CSMD2: variants seen among roughly 807,000 people sequenced by gnomAD.
CSMD2 encodes CUB and sushi domain-containing protein 2.
A neutral mutation model predicts 398.5 loss-of-function variants in CSMD2; 130 were observed. The ratio of observed to expected loss-of-function variants is 0.33; its 90% CI spans 0.28 to 0.38. CSMD2 has a LOEUF of 0.38. Ranked by LOEUF, CSMD2 falls within the 10% of genes least tolerant of loss-of-function variation. CSMD2 has a pLI of 1.00. For missense variants in CSMD2, 3,829 were observed against 4,764.9 expected, an observed-to-expected ratio of 0.80 and a Z score of 5.78; for synonymous variants, 1,828 against 1,908.5, an observed-to-expected ratio of 0.96 and a Z score of 1.10.
At chr1:33,767,957 A>G (rs560191826) in intron 13 of CSMD2, among the ~76,000 whole-genome samples, 1 of 152,298 alleles carries the variant, frequency 6.6e-6, no homozygotes, top group African/African-American at 2.4e-5. Context: ...CTGCTCTGTT[A>G]ATTAACAGCT....
In CSMD2 at chr1:34,164,904, G is replaced by C; in HGVS notation, c.187+7C>G. 1 of 1,219,530 alleles carries C rather than the reference G, an allele frequency of 8.2e-7. No individual in the cohort carries two copies. The highest frequency in any genetic ancestry group is 1.0e-6 in the Non-Finnish European group (1 of 980,210). The allele number at this position is 1,219,530 out of a possible 1,614,324, so 75.5% of individuals were successfully genotyped here. ...GGCCGCTGGCTCCTCGGCGCGGCTG[G>C]ACTCACCCGCGGCGGCCGAGACGCT... is the stretch of plus-strand genomic sequence containing the variant. On this transcript the variant is annotated splice_region_variant and intron_variant, in intron 1 of 70. Transcript: ENST00000373381. The surrounding 1 kb of genome is among the most constrained non-coding windows in gnomAD (Gnocchi z 6.2).
Position 34,164,199 on chromosome 1 carries a change from G to A in CSMD2, c.187+712C>T, listed in dbSNP as rs1474974649. 6.6e-6 allele frequency among the ~76,000 whole-genome samples: 1 copy of A among 151,976 alleles called. No homozygotes were observed. Among genetic ancestry groups the A allele is most frequent in the African/African-American group, 2.4e-5 (1 of 41,396 alleles). On this transcript the variant is annotated intron_variant, in intron 1 of 70. Transcript: ENST00000373381. This position sits in a 1 kb window ranked among gnomAD's most constrained non-coding sequence, Gnocchi z 6.2. Reference sequence around the variant, plus strand: ...CGGCGGCACTCCCTCCCCCGCCTCGGGCTACAACCCCCACCCCCTCCTTCC... The same window carrying A: ...CGGCGGCACTCCCTCCCCCGCCTCGAGCTACAACCCCCACCCCCTCCTTCC...
At chr1:33,997,216 A>G (rs1169519301) in intron 3 of CSMD2, among the ~76,000 whole-genome samples, 1 of 152,178 alleles carries the variant, frequency 6.6e-6, no homozygotes, top group East Asian at 1.9e-4. Flanking sequence ...CCCAACAGGA[A>G]GGACTTGGAG....
intron 5 of CSMD2, among the ~76,000 whole-genome samples, chr1:33,895,434 T>G (rs1642315167): frequency 6.6e-6 from 1 of 151,448 alleles, no homozygotes; most frequent in African/African-American, 2.4e-5. Flanking sequence ...TCCAAGGAGG[T>G]GTGGGCCAAA....
chr1:33,759,869 G>A (rs2149298835), intron 13 of CSMD2, among the ~76,000 whole-genome samples: 1 of 152,226 alleles, frequency 6.6e-6, no homozygotes, highest in East Asian at 1.9e-4. Flanking sequence ...ATGTAAACTG[G>A]GATTGTCCCA....
intron 1 of CSMD2, among the ~76,000 whole-genome samples, chr1:34,126,878 G>A (rs1662795752): frequency 6.6e-6 from 1 of 151,644 alleles, no homozygotes; most frequent in East Asian, 1.9e-4. Flanking sequence ...AGGACCCACA[G>A]AGACAGCCAG....
In CSMD2 at chr1:33,692,943, C is replaced by T. The variant is rs182611312; in HGVS notation, c.4039G>A (p.Gly1347Ser). The change falls in exon 25 of 71, where the codon GGC becomes AGC. Residue 1347 changes from glycine to serine, a missense_variant. Gly to Ser is a moderately conservative substitution (Grantham distance 56). Transcript: ENST00000373381. ...CCTGACACTTACCCAATGGTGCAGC[C>T]GGCCTCTGCTTCGATGGTCCAGATG... Reference protein sequence around the residue: ...NCIWTIEAEAGCTIGLHFLVF... With the variant: ...NCIWTIEAEASCTIGLHFLVF... 8.5e-5 allele frequency: 137 copies of T among 1,608,238 alleles called. No individual in the cohort carries two copies. In the East Asian group the frequency reaches 2.1e-3, roughly 25 times the overall value.
At chr1:33,886,802 C>A (rs745641686) in intron 5 of CSMD2, among the ~76,000 whole-genome samples, 1 of 152,208 alleles carries the variant, frequency 6.6e-6, no homozygotes, top group Non-Finnish European at 1.5e-5. Context: ...GTCTCCAAAG[C>A]TGTTTAGAAA....
chr1:33,518,590 T>G lies in CSMD2; in HGVS notation c.*53+875A>C, dbSNP rs1653973524. On this transcript the variant is annotated intron_variant, in intron 70 of 70. Coordinates refer to ENST00000373381, the MANE Select transcript of CSMD2 (RefSeq NM_001281956.2). The surrounding 1 kb of genome is among the most constrained non-coding windows in gnomAD (Gnocchi z 4.3). ...AGGTATCTTTTTAGATAAAATTAACTTTGAAATCAGTAGACTTTGAGTCTC... is the reference window on the plus strand; with the variant it reads ...AGGTATCTTTTTAGATAAAATTAACGTTGAAATCAGTAGACTTTGAGTCTC... Among the ~76,000 whole-genome samples, 1 of 152,178 alleles carries G rather than the reference T, an allele frequency of 6.6e-6. No homozygotes were observed. Among genetic ancestry groups the G allele is most frequent in the Admixed American group, 6.5e-5 (1 of 15,280 alleles).
rs1158313502 is a variant in CSMD2 at position 33,571,543 on chromosome 1, G to T, written c.7946C>A (p.Pro2649His). The T allele has an allele frequency of 6.8e-7, 1 of 1,480,040 alleles. No individual in the cohort carries two copies. The highest frequency in any genetic ancestry group is 9.1e-7 in the Non-Finnish European group (1 of 1,097,354). 91.7% of individuals were successfully genotyped at this position (1,480,040 alleles called of 1,614,324 possible). A position where few individuals can be genotyped will look rare whatever the true frequency, so the allele number is the denominator to read the frequency against. Residue 2649 changes from proline (P) to histidine (H), a missense_variant, in exon 51 of 71, where the codon CCC becomes CAC. Transcript: ENST00000373381. The part of the protein sequence containing the change: ...NGKWSLGDST[P>H]TCRIISCGEL... ...CTTCCTGGGCTTACTTCGGCAGGTG[G>T]GCGTAGAGTCCCCGAGGCTCCATTT...
In CSMD2 at chr1:33,867,945, CAG is replaced by C. The variant is rs561241678; in HGVS notation, c.921-20951_921-20950del. Among the ~76,000 whole-genome samples the C allele has an allele frequency of 7.1e-4, 108 of 152,284 alleles. 2 individuals are homozygous for C. In the South Asian group the frequency reaches 0.02, roughly 28 times the overall value. On this transcript the variant is annotated intron_variant, in intron 5 of 70. Transcript: ENST00000373381. ...ATTATGTGAATGTGGGTGGCCAAGT[CAG>C]AGTTTTGACAAGAGTTTGCAGTTCC...
chr1:33,966,333 C>T (rs1645557064), intron 3 of CSMD2, among the ~76,000 whole-genome samples: 1 of 152,212 alleles, frequency 6.6e-6, no homozygotes, highest in African/African-American at 2.4e-5. Flanking sequence ...TCCTTGAAGG[C>T]CTGGTCTACA....
At chr1:33,914,076 G>A (rs1482829713) in intron 5 of CSMD2, among the ~76,000 whole-genome samples, 1 of 152,070 alleles carries the variant, frequency 6.6e-6, no homozygotes, top group African/African-American at 2.4e-5. Flanking sequence ...AAAAAGTCCT[G>A]GGGCTTCATG....
intron 9 of CSMD2, chr1:33,812,915 T>TC (rs1557935074): frequency 1.3e-5 from 2 of 151,934 alleles, no homozygotes; most frequent in South Asian, 2.1e-4. Context: ...TAGGTTTTTT[T>TC]CCCCCACAAG....
chr1:33,981,326 G>C (rs962627996), intron 3 of CSMD2, among the ~76,000 whole-genome samples: 1 of 152,180 alleles, frequency 6.6e-6, no homozygotes, highest in Non-Finnish European at 1.5e-5. Context: ...GCTGTTTGCA[G>C]CTTCCACCCT....
rs572886399 is a variant in CSMD2, at chr1:33,620,016, G to A, written c.5827+2151C>T. Among the ~76,000 whole-genome samples the A allele has an allele frequency of 5.3e-5, 8 of 152,310 alleles. No homozygotes were observed. The East Asian group carries it at 7.7e-4, about 15-fold the overall frequency. ...AAGAGCAGAATGAGGACAAAAAAGC[G>A]TGGTAGGAAGAAAAATGGAATGGGA... On this transcript the variant is annotated intron_variant, in intron 37 of 70. Transcript: ENST00000373381.
intron 1 of CSMD2, among the ~76,000 whole-genome samples, chr1:34,103,400 G>A (rs1660198485): frequency 1.4e-5 from 2 of 146,148 alleles, no homozygotes; most frequent in South Asian, 2.2e-4. Context: ...CCGGGTTCAC[G>A]CCATTCTCCT....
chr1:34,152,284 G>A (rs924545935), intron 1 of CSMD2, among the ~76,000 whole-genome samples: 2 of 152,150 alleles, frequency 1.3e-5, no homozygotes, highest in African/African-American at 2.4e-5. Flanking sequence ...TACCCTCCCT[G>A]GGAGGCCAGG....
chr1:33,936,747 C>T (rs1287769732), intron 3 of CSMD2, among the ~76,000 whole-genome samples: 1 of 152,226 alleles, frequency 6.6e-6, no homozygotes, highest in African/African-American at 2.4e-5. Flanking sequence ...ACTGACCCAG[C>T]TTCCCCCTGC....
Sources: allele counts gnomAD v4.1 joint callset (sites outside exome capture counted in the v4.1 genomes callset), GRCh38; gene constraint gnomAD v4.1.1; non-coding constraint Gnocchi (gnomAD v3.1); transcripts MANE v1.5; gene names NCBI Gene and HGNC (gene_info 2026-07-23, HGNC 2026-07-21).